The following ITFG1 variants were observed in gnomAD, a reference collection of about 807,000 sequenced individuals.
The protein encoded by ITFG1 is integrin alpha FG-GAP repeat containing 1, also known as T-cell immunomodulatory protein.
ITFG1 carries 34 observed loss-of-function variants against 81.8 expected under a neutral mutation model. That is an observed-to-expected ratio of 0.42 (90% CI 0.32 to 0.55). The LOEUF (loss-of-function observed/expected upper bound fraction) is 0.55, where lower values mean the gene tolerates loss of function less well. Among genes scored for constraint, ITFG1 ranks in the 20% least tolerant of loss-of-function variants. The pLI, the probability that ITFG1 is intolerant of heterozygous loss-of-function variation, is 0.17. For synonymous variants in ITFG1, 285 were observed against 270.6 expected, an observed-to-expected ratio of 1.05 and a Z score of -0.52; for missense variants, 672 against 755.4, an observed-to-expected ratio of 0.89 and a Z score of 1.29.
At chr16:47,428,659 G>A in intron 6 of ITFG1, 145 bp downstream of exon 6, 1 of 635,880 alleles carries the variant, frequency 1.6e-6, no homozygotes, top group East Asian at 2.9e-5. Flanking sequence ...CTTTTTCCAT[G>A]TTTCCAAATC....
chr16:47,355,618 T>A (rs1256604600), intron 8 of ITFG1, among the ~76,000 whole-genome samples: 1 of 152,208 alleles, frequency 6.6e-6, no homozygotes, highest in Non-Finnish European at 1.5e-5. Context: ...ATACATGTAT[T>A]GAAACATCAC....
intron 12 of ITFG1, among the ~76,000 whole-genome samples, chr16:47,238,956 C>T (rs1965904235): frequency 6.6e-6 from 1 of 152,120 alleles, no homozygotes; most frequent in South Asian, 2.1e-4. Context: ...AGAGGTGGGG[C>T]CTTTGTGAAG....
intron 6 of ITFG1, among the ~76,000 whole-genome samples, chr16:47,414,683 G>T (rs1432063045): frequency 1.3e-5 from 2 of 152,042 alleles, no homozygotes; most frequent in Non-Finnish European, 2.9e-5. Flanking sequence ...ATTCCATTCG[G>T]ATAAAAAAGG....
chr16:47,175,703 A>G (rs1175771220), intron 14 of ITFG1, among the ~76,000 whole-genome samples: 1 of 152,196 alleles, frequency 6.6e-6, no homozygotes, highest in Non-Finnish European at 1.5e-5. Context: ...AATCGGGAAC[A>G]TTGTATACCC....
chr16:47,187,561 T>G (rs368126170), intron 14 of ITFG1, among the ~76,000 whole-genome samples: 41 of 152,014 alleles, frequency 2.7e-4, no homozygotes, highest in East Asian at 2.1e-3. Flanking sequence ...CTAGCCATAT[T>G]TAGAAAGCTG....
chr16:47,223,993 C>G (rs949139529), intron 13 of ITFG1, among the ~76,000 whole-genome samples: 4 of 145,020 alleles, frequency 2.8e-5, no homozygotes, highest in African/African-American at 7.7e-5. Flanking sequence ...CATAGTCTCA[C>G]TCATAGGTGG....
At chr16:47,436,958 G>C (rs1969174917) in intron 5 of ITFG1, among the ~76,000 whole-genome samples, 1 of 152,092 alleles carries the variant, frequency 6.6e-6, no homozygotes. Context: ...TCTTCATTTA[G>C]AGGCACCTCA....
chr16:47,279,710 A>G (rs1966433287), intron 10 of ITFG1, among the ~76,000 whole-genome samples: 1 of 152,192 alleles, frequency 6.6e-6, no homozygotes, highest in Non-Finnish European at 1.5e-5. Context: ...CAATAACTCT[A>G]CATATTGAGA....
At chr16:47,417,519 C>A (rs1968889415) in intron 6 of ITFG1, among the ~76,000 whole-genome samples, 2 of 152,132 alleles carry the variant, frequency 1.3e-5, no homozygotes, top group Non-Finnish European at 2.9e-5. Flanking sequence ...TATATTTATA[C>A]CCATTAACCA....
At chr16:47,181,501 TG>T (rs1446791552) in intron 14 of ITFG1, among the ~76,000 whole-genome samples, 1 of 103,894 alleles carries the variant, frequency 9.6e-6, no homozygotes, top group African/African-American at 3.9e-5. Context: ...GGGAGGGAGG[TG>T]GGGGGGTCAG....
chr16:47,454,162 A>G lies in ITFG1; in HGVS notation c.282-4T>C. 6.3e-7 allele frequency: 1 copy of G among 1,595,120 alleles called. No homozygotes were observed. Among genetic ancestry groups the G allele is most frequent in the Non-Finnish European group, 8.6e-7 (1 of 1,168,358 alleles). ...TGTTATCAATGCACTGTGATTCCTAAAAGAAACAAGCATTTACAAATATCA... is the reference window on the plus strand; with the variant it reads ...TGTTATCAATGCACTGTGATTCCTAGAAGAAACAAGCATTTACAAATATCA... On this transcript the variant is annotated splice_region_variant and splice_polypyrimidine_tract_variant and intron_variant, in intron 2 of 17. Coordinates refer to ENST00000320640, the MANE Select transcript of ITFG1 (RefSeq NM_030790.5).
At chr16:47,171,865 T>C (rs1366461557) in intron 14 of ITFG1, among the ~76,000 whole-genome samples, 1 of 152,222 alleles carries the variant, frequency 6.6e-6, no homozygotes, top group Non-Finnish European at 1.5e-5. Flanking sequence ...AATAGTTTTG[T>C]ATCTGCTTGC....
chr16:47,193,217 AAAAAT>A (rs1965314548), intron 14 of ITFG1, among the ~76,000 whole-genome samples: 1 of 151,412 alleles, frequency 6.6e-6, no homozygotes, highest in Non-Finnish European at 1.5e-5. Context: ...ATTTTATTAA[AAAAAT>A]TTTTTTTTTT....
chr16:47,293,579 T>C (rs904430337), intron 10 of ITFG1, among the ~76,000 whole-genome samples: 1 of 152,112 alleles, frequency 6.6e-6, no homozygotes, highest in Admixed American at 6.5e-5. Flanking sequence ...CATTGTGGTT[T>C]AGATTTGCGT....
At chr16:47,282,196 C>T (rs1966457980) in intron 10 of ITFG1, among the ~76,000 whole-genome samples, 1 of 151,634 alleles carries the variant, frequency 6.6e-6, no homozygotes, top group Non-Finnish European at 1.5e-5. Context: ...TACATTGGTA[C>T]AATATATACT....
At chr16:47,229,978 A>G (rs563419120) in intron 13 of ITFG1, among the ~76,000 whole-genome samples, 2 of 152,236 alleles carry the variant, frequency 1.3e-5, no homozygotes, top group East Asian at 3.9e-4. Context: ...GTTCTATTTT[A>G]TTATCAGTTA....
intron 5 of ITFG1, among the ~76,000 whole-genome samples, chr16:47,450,853 A>G (rs1251937841): frequency 1.3e-5 from 2 of 152,218 alleles, no homozygotes; most frequent in African/African-American, 4.8e-5. Flanking sequence ...TGGAATTGCA[A>G]GATTCCAGGC....
Position 47,199,589 on chromosome 16 carries a change from G to A in ITFG1, c.1453+19279C>T, listed in dbSNP as rs893609808. ...TGCTGTACAGGTTTGTAGCCTAGGC[G>A]TAATAATAGGCTATAGCAGCAGTCC... On this transcript the variant is annotated intron_variant, in intron 14 of 17. Coordinates refer to ENST00000320640, the MANE Select transcript of ITFG1 (RefSeq NM_030790.5). 1.8e-4 allele frequency among the ~76,000 whole-genome samples: 28 copies of A among 152,300 alleles called. 1 individual carries two copies. Among genetic ancestry groups the A allele is most frequent in the South Asian group, 2.1e-4 (1 of 4,826 alleles).
intron 10 of ITFG1, chr16:47,263,415 T>C: frequency 2.2e-6 from 1 of 454,488 alleles, no homozygotes; most frequent in South Asian, 1.8e-5. Flanking sequence ...GCTGCTAACC[T>C]CTACCATGTG....
Sources: allele counts gnomAD v4.1 joint callset (sites outside exome capture counted in the v4.1 genomes callset), GRCh38; gene constraint gnomAD v4.1.1; transcripts MANE v1.5; gene names NCBI Gene and HGNC (gene_info 2026-07-23, HGNC 2026-07-21).